RBFOX1: variants seen among roughly 807,000 people sequenced by gnomAD.
RBFOX1 encodes RNA binding protein fox-1 homolog 1.
A neutral mutation model predicts 57.7 loss-of-function variants in RBFOX1; 8 were observed. The ratio of observed to expected loss-of-function variants is 0.14; its 90% CI spans 0.08 to 0.25. The LOEUF (loss-of-function observed/expected upper bound fraction) is 0.25. RBFOX1 is among the 10% of genes least tolerant of loss of function. RBFOX1 has a pLI of 1.00. For missense variants in RBFOX1, 611 were observed against 548.5 expected (o/e 1.11, Z -1.14); for synonymous variants, 326 against 222.4 (o/e 1.47, Z -4.15).
At chr16:6,505,669 CAG>C (rs2096069737) in intron 2 of RBFOX1, among the ~76,000 whole-genome samples, 1 of 152,054 alleles carries the variant, frequency 6.6e-6, no homozygotes, top group South Asian at 2.1e-4. Context: ...ACAGAGAAAA[CAG>C]ATGTACATGA....
intron 3 of RBFOX1, among the ~76,000 whole-genome samples, chr16:5,816,726 A>G (rs527833977): frequency 1.5e-4 from 23 of 152,280 alleles, no homozygotes; most frequent in African/African-American, 4.6e-4. Context: ...TGAGGCTGCA[A>G]TGAGCCATGA....
At chr16:5,983,135 C>A (rs1055866680) in intron 4 of RBFOX1, among the ~76,000 whole-genome samples, 1 of 152,188 alleles carries the variant, frequency 6.6e-6, no homozygotes, top group Non-Finnish European at 1.5e-5. Flanking sequence ...TCCCTGCATT[C>A]TCCCAGCTCT....
chr16:5,305,960 G>C (rs2063922284), intron 1 of RBFOX1, among the ~76,000 whole-genome samples: 1 of 152,188 alleles, frequency 6.6e-6, no homozygotes, highest in South Asian at 2.1e-4. Context: ...GGAGGCCGGA[G>C]GCAGCAGGAT....
chr16:5,422,544 GC>G lies in RBFOX1; in HGVS notation c.220-44671del, dbSNP rs771061298. Among the ~76,000 whole-genome samples the G allele has an allele frequency of 4.0e-3, 290 of 73,066 alleles. 7 individuals are homozygous for G. The highest frequency in any genetic ancestry group is 0.015 in the African/African-American group (262 of 17,324). The allele number at this position is 73,066 out of a possible 152,430, so 47.9% of individuals were successfully genotyped here. A position where few individuals can be genotyped will look rare whatever the true frequency, so the allele number is the denominator to read the frequency against. ...AAAGGAGGAAGGGCGCATGAGGGGG[GC>G]AGGGAGGGGGAAGAAAGGGGAGGAG... is the stretch of plus-strand genomic sequence containing the variant. On this transcript the variant is annotated intron_variant, in intron 1 of 2. Coordinates refer to the RBFOX1 transcript ENST00000585867.
intron 4 of RBFOX1, among the ~76,000 whole-genome samples, chr16:7,369,662 C>A (rs922757105): frequency 6.6e-6 from 1 of 152,102 alleles, no homozygotes; most frequent in Non-Finnish European, 1.5e-5. Context: ...TGAAGTGAGA[C>A]TAGTTTATTC....
chr16:5,740,393 A>G (rs2052730844), intron 3 of RBFOX1, among the ~76,000 whole-genome samples: 1 of 152,214 alleles, frequency 6.6e-6, no homozygotes, highest in Non-Finnish European at 1.5e-5. Context: ...AACAGTGATG[A>G]AAGTGTCAGC....
intron 2 of RBFOX1, among the ~76,000 whole-genome samples, chr16:6,477,540 C>G (rs527558871): frequency 6.6e-6 from 1 of 152,262 alleles, no homozygotes; most frequent in South Asian, 2.1e-4. Flanking sequence ...GCAAACCATG[C>G]TATAAACAGA....
At chr16:5,738,310 C>G (rs889148702) in intron 3 of RBFOX1, among the ~76,000 whole-genome samples, 2 of 151,768 alleles carry the variant, frequency 1.3e-5, no homozygotes. Flanking sequence ...TATATATCAA[C>G]AACGCTGTTT....
chr16:5,395,789 CA>C (rs1170380289), intron 1 of RBFOX1, among the ~76,000 whole-genome samples: 7 of 152,222 alleles, frequency 4.6e-5, no homozygotes, highest in African/African-American at 1.7e-4. Context: ...AGTGAAGAAG[CA>C]GGCATCTGTG....
At chr16:5,883,256 C>T (rs1272451414) in intron 4 of RBFOX1, among the ~76,000 whole-genome samples, 2 of 152,114 alleles carry the variant, frequency 1.3e-5, no homozygotes, top group Non-Finnish European at 1.5e-5. Flanking sequence ...GATTTTAAAA[C>T]ACATTTATAT....
At chr16:5,757,599 C>G (rs9932410) in intron 3 of RBFOX1, among the ~76,000 whole-genome samples, 18,809 of 152,122 alleles carry the variant, frequency 0.12, 1,356 homozygotes, top group African/African-American at 0.18. Context: ...TTGGTTATAA[C>G]TCAGCCACAG....
At chr16:5,696,389 A>G (rs2050842717) in intron 3 of RBFOX1, among the ~76,000 whole-genome samples, 1 of 152,226 alleles carries the variant, frequency 6.6e-6, no homozygotes, top group East Asian at 1.9e-4. Context: ...TGATTACAGC[A>G]GAATTTGTTA....
At chr16:7,619,553 C>A (rs1396716744) in intron 10 of RBFOX1, among the ~76,000 whole-genome samples, 5 of 152,146 alleles carry the variant, frequency 3.3e-5, no homozygotes, top group Non-Finnish European at 5.9e-5. Flanking sequence ...CATCCTCATT[C>A]CACAAATAGA....
At chr16:7,543,031 C>G (rs1469901406) in intron 5 of RBFOX1, among the ~76,000 whole-genome samples, 7 of 152,130 alleles carry the variant, frequency 4.6e-5, no homozygotes, top group Admixed American at 4.6e-4. Flanking sequence ...AGTGAATGTT[C>G]CAGGTTCTGA....
At chr16:7,109,899 GA>G (rs1190034570) in intron 4 of RBFOX1, among the ~76,000 whole-genome samples, 1 of 152,110 alleles carries the variant, frequency 6.6e-6, no homozygotes. Flanking sequence ...TCATGCAAGG[GA>G]AAGAGCCCCC....
chr16:5,932,004 A>G (rs1023909333), intron 4 of RBFOX1, among the ~76,000 whole-genome samples: 8 of 151,756 alleles, frequency 5.3e-5, no homozygotes, highest in Admixed American at 1.3e-4. Flanking sequence ...GCCTCTCCCT[A>G]TGTTTCCCAG....
intron 2 of RBFOX1, among the ~76,000 whole-genome samples, chr16:5,475,563 C>G (rs757556590): frequency 3.3e-5 from 5 of 152,206 alleles, no homozygotes; most frequent in Non-Finnish European, 5.9e-5. Context: ...ATAATTTTGA[C>G]ATAGGTATAG....
intron 4 of RBFOX1, among the ~76,000 whole-genome samples, chr16:7,103,292 G>T (rs2063012337): frequency 6.6e-6 from 1 of 152,104 alleles, no homozygotes; most frequent in Admixed American, 6.6e-5. Context: ...GACGTGTCCA[G>T]TCTCAAGTCA....
At chr16:7,294,382 T>A (rs2095851008) in intron 4 of RBFOX1, among the ~76,000 whole-genome samples, 1 of 152,120 alleles carries the variant, frequency 6.6e-6, no homozygotes, top group South Asian at 2.1e-4. Flanking sequence ...GTTACTTGCT[T>A]GCTCTGGGTA....
Sources: gnomAD v4.1 joint callset for allele counts (sites outside exome capture counted in the v4.1 genomes callset) on GRCh38, gnomAD v4.1.1 for gene constraint, MANE v1.5 for transcripts, NCBI Gene and HGNC (gene_info 2026-07-23, HGNC 2026-07-21) for gene names.